PTPRG: variants seen among roughly 807,000 people sequenced by gnomAD.
PTPRG encodes the protein receptor-type tyrosine-protein phosphatase gamma.
Under a neutral mutation model 165.3 loss-of-function variants are expected in PTPRG, and 102 were observed. That is an observed-to-expected ratio of 0.62 (90% CI 0.53 to 0.73). The LOEUF is 0.73. PTPRG is among the 30% of genes least tolerant of loss of function. The pLI is 0.00. For synonymous variants in PTPRG, 675 were observed against 669.5 expected, an observed-to-expected ratio of 1.01 and a Z score of -0.13; for missense variants, 1,866 against 1,861.4, an observed-to-expected ratio of 1.00 and a Z score of -0.05.
chr3:62,072,520 G>C (rs552756327), intron 4 of PTPRG, among the ~76,000 whole-genome samples: 1 of 152,108 alleles, frequency 6.6e-6, no homozygotes, highest in African/African-American at 2.4e-5. Context: ...TGGCAGAACT[G>C]GTCCCATGAT....
chr3:62,052,398 C>T (rs574854457), intron 4 of PTPRG, among the ~76,000 whole-genome samples: 15 of 152,274 alleles, frequency 9.9e-5, no homozygotes, highest in Admixed American at 3.3e-4. Context: ...AATGCAGTGA[C>T]CACTGTTCTG....
chr3:61,942,435 G>T (rs1009782623), intron 2 of PTPRG, among the ~76,000 whole-genome samples: 1 of 152,228 alleles, frequency 6.6e-6, no homozygotes, highest in African/African-American at 2.4e-5. Flanking sequence ...TCACTCATGT[G>T]AGTGTACCCC....
At chr3:62,260,471 T>G (rs1656161600) in intron 16 of PTPRG, among the ~76,000 whole-genome samples, 1 of 152,204 alleles carries the variant, frequency 6.6e-6, no homozygotes, top group African/African-American at 2.4e-5. Flanking sequence ...TTTTAGGGTT[T>G]GTTCAGTCTT....
At chr3:61,692,479 G>A (rs539052177) in intron 1 of PTPRG, among the ~76,000 whole-genome samples, 5 of 152,250 alleles carry the variant, frequency 3.3e-5, no homozygotes, top group South Asian at 2.1e-4. Context: ...ATTTTCATGC[G>A]CGTCCGTGTG....
chr3:61,974,937 C>T (rs777459590), intron 2 of PTPRG, among the ~76,000 whole-genome samples: 9 of 152,180 alleles, frequency 5.9e-5, no homozygotes, highest in Admixed American at 1.3e-4. Context: ...TAACTGCCCA[C>T]CAGTACCAAC....
chr3:61,997,554 T>G (rs1352782333), intron 3 of PTPRG, among the ~76,000 whole-genome samples: 6 of 152,160 alleles, frequency 3.9e-5, no homozygotes, highest in Non-Finnish European at 8.8e-5. Flanking sequence ...CCTTTAACTC[T>G]CAGCTCAGAC....
chr3:61,793,752 GT>G (rs367969900), intron 2 of PTPRG, among the ~76,000 whole-genome samples: 27 of 151,922 alleles, frequency 1.8e-4, no homozygotes, highest in African/African-American at 5.6e-4. Context: ...ACTTGTTGTT[GT>G]TTTTTTTCTG....
At chr3:61,899,742 A>G (rs144653575) in intron 2 of PTPRG, among the ~76,000 whole-genome samples, 398 of 152,304 alleles carry the variant, frequency 2.6e-3, no homozygotes, top group African/African-American at 9.2e-3. Context: ...ATCTGTATAT[A>G]GTTTGAAACA....
At chr3:61,891,283 A>T (rs1485002938) in intron 2 of PTPRG, among the ~76,000 whole-genome samples, 1 of 152,172 alleles carries the variant, frequency 6.6e-6, no homozygotes, top group Non-Finnish European at 1.5e-5. Context: ...TGACAGAGCG[A>T]GACTCCATCT....
rs553350056 is a variant in PTPRG at position 62,252,796 on chromosome 3, G to C, written c.2468-2328G>C. Among the ~76,000 whole-genome samples the C allele has an allele frequency of 3.3e-5, 5 of 152,138 alleles. No individual in the cohort carries two copies. The highest frequency in any genetic ancestry group is 4.8e-5 in the African/African-American group (2 of 41,430). On this transcript the variant is annotated intron_variant, in intron 15 of 29. Transcript: ENST00000474889. This position sits in a 1 kb window ranked among gnomAD's most constrained non-coding sequence, Gnocchi z 4.6. ...CCTCAGCTATTTATCTTGATTGCAG[G>C]GCAAATGCTGTATTATCTGGGTAGC...
At position 62,184,680 on chromosome 3, in the gene PTPRG, C is replaced by T. The variant is rs572931019; in HGVS notation, c.1034-6789C>T. Among the ~76,000 whole-genome samples, 134 of 152,320 alleles carry T rather than the reference C, an allele frequency of 8.8e-4. 1 individual carries two copies. Among genetic ancestry groups the T allele is most frequent in the African/African-American group, 3.0e-3 (124 of 41,564 alleles). ...CAGGCATCTCCCCCACGGTCGTCTG[C>T]TGGCTTAAGCCAAGCTGTTCCCTCT... On this transcript the variant is annotated intron_variant, in intron 8 of 29. Transcript: ENST00000474889.
Position 61,719,582 on chromosome 3 carries a change from C to G in PTPRG, c.86-29296C>G, listed in dbSNP as rs187031200. Among the ~76,000 whole-genome samples the G allele has an allele frequency of 3.5e-3, 527 of 152,290 alleles. 3 individuals carry two copies. Among genetic ancestry groups the G allele is most frequent in the African/African-American group, 0.012 (479 of 41,550 alleles). ...GGGAACAGGGAGAAGGTGGAATAAA[C>G]CTAACTGGTGGCTGGCCCTTTCCTA... On this transcript the variant is annotated intron_variant, in intron 1 of 29. Coordinates refer to ENST00000474889, the MANE Select transcript of PTPRG (RefSeq NM_002841.4).
intron 15 of PTPRG, among the ~76,000 whole-genome samples, chr3:62,244,928 T>C (rs1385896273): frequency 6.6e-6 from 1 of 152,214 alleles, no homozygotes; most frequent in African/African-American, 2.4e-5. Context: ...TTGGGTACCA[T>C]GGAGAAATGC....
At chr3:62,093,642 G>C (rs1010307855) in intron 5 of PTPRG, among the ~76,000 whole-genome samples, 1 of 152,202 alleles carries the variant, frequency 6.6e-6, no homozygotes, top group Non-Finnish European at 1.5e-5. Context: ...AACAAGGCCT[G>C]CCTGGCCTAT....
intron 5 of PTPRG, among the ~76,000 whole-genome samples, chr3:62,084,013 A>G (rs1239512727): frequency 6.6e-6 from 1 of 152,190 alleles, no homozygotes; most frequent in Non-Finnish European, 1.5e-5. Flanking sequence ...AATTTCATTT[A>G]TATTTCATTA....
chr3:61,898,536 C>T (rs2038420004), intron 2 of PTPRG, among the ~76,000 whole-genome samples: 1 of 152,170 alleles, frequency 6.6e-6, no homozygotes, highest in African/African-American at 2.4e-5. Flanking sequence ...TTAGATGATA[C>T]ATCAGAATCA....
At chr3:61,969,377 CA>C (rs2040337695) in intron 2 of PTPRG, among the ~76,000 whole-genome samples, 1 of 152,088 alleles carries the variant, frequency 6.6e-6, no homozygotes, top group South Asian at 2.1e-4. Context: ...AGTAGTATAA[CA>C]AATAATTTGT....
At chr3:62,170,872 T>G (rs994394080) in intron 8 of PTPRG, among the ~76,000 whole-genome samples, 2 of 152,168 alleles carry the variant, frequency 1.3e-5, no homozygotes, top group African/African-American at 2.4e-5. Flanking sequence ...TGAGCACACC[T>G]GAGTAACAAG....
intron 2 of PTPRG, among the ~76,000 whole-genome samples, chr3:61,922,825 A>G (rs143910872): frequency 0.011 from 1,622 of 152,196 alleles, 37 homozygotes; most frequent in South Asian, 0.093. Flanking sequence ...ATTTTTGGTA[A>G]AGACAGAGTT....
Sources: allele counts gnomAD v4.1 joint callset (sites outside exome capture counted in the v4.1 genomes callset), GRCh38; gene constraint gnomAD v4.1.1; non-coding constraint Gnocchi (gnomAD v3.1); transcripts MANE v1.5; gene names NCBI Gene and HGNC (gene_info 2026-07-23, HGNC 2026-07-21).